Variants in PIK3CA observed in about 807,000 individuals in gnomAD.
PIK3CA encodes the protein phosphatidylinositol 4,5-bisphosphate 3-kinase catalytic subunit alpha isoform.
In PIK3CA, 27 loss-of-function variants were observed where a neutral mutation model predicts 138.2. That is an observed-to-expected ratio of 0.20 (90% CI 0.14 to 0.27). PIK3CA has a LOEUF of 0.27. Among genes scored for constraint, PIK3CA ranks in the 10% least tolerant of loss-of-function variants. The pLI is 1.00. For missense variants in PIK3CA, 544 were observed against 1,277.4 expected (o/e 0.43, Z 8.75); for synonymous variants, 358 against 413.2 (o/e 0.87, Z 1.62).
In PIK3CA at chr3:179,230,154, GTTC is replaced by G; in HGVS notation, c.2784+36_2784+38del. On this transcript the variant is annotated intron_variant, in intron 19 of 20. Coordinates refer to ENST00000263967, the MANE Select transcript of PIK3CA (RefSeq NM_006218.4). The surrounding 1 kb of genome is among the most constrained non-coding windows in gnomAD (Gnocchi z 5.4). ...TTTTCTCTGTTTAAAATGTTTTGGTGTTCTTAATTTATTCAAGACATTTTGTAT... is the reference window on the plus strand; with the variant it reads ...TTTTCTCTGTTTAAAATGTTTTGGTGTTAATTTATTCAAGACATTTTGTAT... 6.4e-7 allele frequency: 1 copy of G among 1,570,112 alleles called. No individual in the cohort carries two copies. The highest frequency in any genetic ancestry group is 8.8e-7 in the Non-Finnish European group (1 of 1,140,996).
intron 6 of PIK3CA, among the ~76,000 whole-genome samples, chr3:179,207,180 T>C (rs1438833537): frequency 6.6e-6 from 1 of 152,198 alleles, no homozygotes; most frequent in African/African-American, 2.4e-5. Context: ...TTACTAAATA[T>C]TTGTTTCAAA....
Position 179,224,097 on chromosome 3 carries a change from T to C in PIK3CA, c.2204T>C (p.Leu735Ser), listed in dbSNP as rs1725027082. Reference protein sequence around the residue: ...DETQKVQMKFLVEQMRRPDFM... With the variant: ...DETQKVQMKFSVEQMRRPDFM... Reference sequence around the variant, plus strand: ...TTTAATCAGGTACAGATGAAGTTTTTAGTTGAGCAAATGAGGCGACCAGAT... The same window carrying C: ...TTTAATCAGGTACAGATGAAGTTTTCAGTTGAGCAAATGAGGCGACCAGAT... The change falls in exon 15 of 21, where the codon TTA becomes TCA. Residue 735 changes from leucine (L) to serine (S), a missense_variant. This residue lies in a region of PIK3CA where 35 missense variants were observed against 49.4 expected (regional missense o/e 0.71). Transcript: ENST00000263967. 6.2e-7 allele frequency: 1 copy of C among 1,600,896 alleles called. No homozygotes were observed. Among genetic ancestry groups the C allele is most frequent in the Non-Finnish European group, 8.6e-7 (1 of 1,168,804 alleles).
rs1456090038 is a variant in PIK3CA at position 179,239,497 on chromosome 3, G to A, written c.*5133G>A. 2 of 209,900 alleles carry A rather than the reference G, an allele frequency of 9.5e-6. No homozygotes were observed. Among genetic ancestry groups the A allele is most frequent in the Non-Finnish European group, 1.9e-5 (2 of 103,538 alleles). The allele number at this position is 209,900 out of a possible 1,614,324, so 13.0% of individuals were successfully genotyped here. ...AAGTCCCTTGTTCAATTTAACTTAT[G>A]TTCCTAAGAGAGGTTGGAGAACTTG... On this transcript the variant is annotated 3_prime_UTR_variant, in exon 21 of 21. Coordinates refer to ENST00000263967, the MANE Select transcript of PIK3CA (RefSeq NM_006218.4).
chr3:179,186,128 A>G (rs1723976574), intron 1 of PIK3CA, among the ~76,000 whole-genome samples: 1 of 152,214 alleles, frequency 6.6e-6, no homozygotes, highest in African/African-American at 2.4e-5. Flanking sequence ...TCATTAGCAT[A>G]CAGAAAGACC....
chr3:179,224,736 G>A lies in PIK3CA; in HGVS notation c.2331G>A (p.Arg777=), dbSNP rs771524333. The A allele has an allele frequency of 1.9e-6, 3 of 1,608,508 alleles. No individual in the cohort carries two copies. Among genetic ancestry groups the A allele is most frequent in the South Asian group, 1.1e-5 (1 of 90,786 alleles). The change falls in exon 16 of 21, where the codon AGG becomes AGA. Residue 777 remains arginine, a synonymous_variant. Transcript: ENST00000263967. The part of the protein sequence containing the change: ...EECRIMSSAK[R]PLWLNWENPD... ...GTCGAATTATGTCCTCTGCAAAAAG[G>A]CCACTGTGGTTGAATTGGGAGAACC...
In PIK3CA at chr3:179,204,474, A is replaced by G. The variant is rs547097563; in HGVS notation, c.1060-29A>G. The stretch of plus-strand genomic sequence containing the variant: ...GCATATGTGTATGTTGAGTGTATAC[A>G]TTAGTATATACCTACTTTTTTCTTT... On this transcript the variant is annotated intron_variant, in intron 5 of 20. Coordinates refer to ENST00000263967, the MANE Select transcript of PIK3CA (RefSeq NM_006218.4). 9.6e-6 allele frequency: 10 copies of G among 1,043,308 alleles called. No homozygotes were observed. In the South Asian group the frequency reaches 1.2e-4, roughly 12 times the overall value. 64.6% of individuals were successfully genotyped at this position (1,043,308 alleles called of 1,614,324 possible).
In PIK3CA at chr3:179,239,079, A is replaced by G. The variant is rs761598023; in HGVS notation, c.*4715A>G. 4.6e-6 allele frequency: 1 copy of G among 217,188 alleles called. No homozygotes were observed. The highest frequency in any genetic ancestry group is 6.8e-5 in the East Asian group (1 of 14,732). 13.5% of individuals were successfully genotyped at this position (217,188 alleles called of 1,614,324 possible). On this transcript the variant is annotated 3_prime_UTR_variant, in exon 21 of 21. Coordinates refer to ENST00000263967, the MANE Select transcript of PIK3CA (RefSeq NM_006218.4). ...TCTGACTTAATTTGTACACAACTAC[A>G]TATAAGAGTTTTAGTGGAGGAAAAA...
rs765739321 is a variant in PIK3CA, at chr3:179,210,175, T to C, written c.1252-11T>C. 4 of 1,561,246 alleles carry C rather than the reference T, an allele frequency of 2.6e-6. No individual in the cohort carries two copies. The highest frequency in any genetic ancestry group is 1.4e-5 in the African/African-American group (1 of 71,428). ...ATTTAGACTAGTGAATATTTTTCTT[T>C]GTTTTTTAAGGAACACTGTCCATTG... On this transcript the variant is annotated splice_polypyrimidine_tract_variant and intron_variant, in intron 7 of 20. Coordinates refer to ENST00000263967, the MANE Select transcript of PIK3CA (RefSeq NM_006218.4).
At chr3:179,173,883 C>CGTGG (rs1723628496) in intron 1 of PIK3CA, among the ~76,000 whole-genome samples, 2 of 151,786 alleles carry the variant, frequency 1.3e-5, no homozygotes. Flanking sequence ...CCTGCCACCA[C>CGTGG]ACCTGGCTAA....
chr3:179,224,621 A>G, intron 15 of PIK3CA, 79 bp from the exon 16 acceptor site: 1 of 934,862 alleles, frequency 1.1e-6, no homozygotes, highest in Non-Finnish European at 1.6e-6. Context: ...GCTATATTGT[A>G]TTTATATTTT....
chr3:179,196,150 C>T (rs143295797), intron 1 of PIK3CA, among the ~76,000 whole-genome samples: 2 of 152,160 alleles, frequency 1.3e-5, no homozygotes, highest in African/African-American at 4.8e-5. Context: ...CTTGGTAATA[C>T]TTAGGGAACA....
intron 1 of PIK3CA, among the ~76,000 whole-genome samples, chr3:179,188,390 A>AT (rs1436262181): frequency 3.9e-5 from 6 of 152,226 alleles, no homozygotes; most frequent in African/African-American, 1.4e-4. Context: ...GGGTTGGTTA[A>AT]TATAAAGGAA....
At chr3:179,154,676 C>T (rs73882956) in intron 1 of PIK3CA, among the ~76,000 whole-genome samples, 148 of 152,224 alleles carry the variant, frequency 9.7e-4, no homozygotes, top group African/African-American at 3.3e-3. Context: ...TGCTAAGTAA[C>T]ATAATGAGAT....
chr3:179,216,079 CT>C (rs1386486795), intron 9 of PIK3CA, among the ~76,000 whole-genome samples: 1 of 152,174 alleles, frequency 6.6e-6, no homozygotes, highest in East Asian at 1.9e-4. Context: ...CAAAATCACC[CT>C]AGTTGAGAAC....
In PIK3CA at chr3:179,225,942, A is replaced by T; in HGVS notation, c.2417-20A>T. The stretch of plus-strand genomic sequence containing the variant: ...TGCATCTGTGGCATTAAATGGTGAT[A>T]CATATTATTTGAATTTCAGATTTAC... On this transcript the variant is annotated intron_variant, in intron 16 of 20. Coordinates refer to ENST00000263967, the MANE Select transcript of PIK3CA (RefSeq NM_006218.4). The T allele has an allele frequency of 7.8e-7, 1 of 1,280,864 alleles. No individual in the cohort carries two copies. Among genetic ancestry groups the T allele is most frequent in the Non-Finnish European group, 1.1e-6 (1 of 881,306 alleles). The allele number at this position is 1,280,864 out of a possible 1,614,324, so 79.3% of individuals were successfully genotyped here.
At chr3:179,156,354 C>CA (rs1378657999) in intron 1 of PIK3CA, among the ~76,000 whole-genome samples, 1 of 152,170 alleles carries the variant, frequency 6.6e-6, no homozygotes, top group Non-Finnish European at 1.5e-5. Context: ...CTACTGCACA[C>CA]CAGTTGCCAG....
At position 179,174,091 on chromosome 3, in the gene PIK3CA, T is replaced by C. The variant is rs192127788; in HGVS notation, c.-76-24659T>C. On this transcript the variant is annotated intron_variant, in intron 1 of 20. Coordinates refer to ENST00000263967, the MANE Select transcript of PIK3CA (RefSeq NM_006218.4). ...ACAACTATACATTCACCAAGACTCA[T>C]CAAACTGAATTTTAATTTATACCTC... Among the ~76,000 whole-genome samples, 6 of 152,246 alleles carry C rather than the reference T, an allele frequency of 3.9e-5. 2 individuals carry two copies. Among genetic ancestry groups the C allele is most frequent in the East Asian group, 1.9e-4 (1 of 5,172 alleles).
intron 6 of PIK3CA, among the ~76,000 whole-genome samples, chr3:179,209,333 A>G (rs1286018933): frequency 6.6e-6 from 1 of 152,122 alleles, no homozygotes; most frequent in Non-Finnish European, 1.5e-5. Context: ...CCTTGGCATC[A>G]TCAGTCTTTA....
At chr3:179,178,797 A>G (rs61796466) in intron 1 of PIK3CA, among the ~76,000 whole-genome samples, 7,052 of 152,194 alleles carry the variant, frequency 0.046, 229 homozygotes, top group Middle Eastern at 0.13. Flanking sequence ...GCTTCCAACA[A>G]TCCTCTTCCG....
Sources: gnomAD v4.1 joint callset for allele counts (sites outside exome capture counted in the v4.1 genomes callset) on GRCh38, gnomAD v4.1.1 for gene constraint, gnomAD v4.1.1 regional missense constraint, Gnocchi (gnomAD v3.1) non-coding constraint, MANE v1.5 for transcripts, NCBI Gene and HGNC (gene_info 2026-07-23, HGNC 2026-07-21) for gene names.